The following CNTNAP2 variants were observed in gnomAD, a reference collection of about 807,000 sequenced individuals.
CNTNAP2 encodes the protein contactin associated protein 2.
CNTNAP2 carries 98 observed loss-of-function variants against 155.2 expected under a neutral mutation model. That is an observed-to-expected ratio of 0.63 (90% CI 0.54 to 0.75). CNTNAP2 has a LOEUF of 0.75. Ranked by LOEUF, CNTNAP2 falls within the 30% of genes least tolerant of loss-of-function variation. CNTNAP2 has a pLI of 0.00. For synonymous variants in CNTNAP2, 651 were observed against 631.2 expected, an observed-to-expected ratio of 1.03 and a Z score of -0.47; for missense variants, 1,727 against 1,688.1, an observed-to-expected ratio of 1.02 and a Z score of -0.40.
intron 10 of CNTNAP2, among the ~76,000 whole-genome samples, chr7:147,408,531 C>T (rs190250487): frequency 3.9e-5 from 6 of 152,248 alleles, no homozygotes; most frequent in East Asian, 1.9e-4. Context: ...GAGGCTGACG[C>T]GGGCGGATCA....
At chr7:147,383,251 C>T (rs1040100256) in intron 9 of CNTNAP2, among the ~76,000 whole-genome samples, 1 of 152,094 alleles carries the variant, frequency 6.6e-6, no homozygotes, top group African/African-American at 2.4e-5. Flanking sequence ...TTAATGCATT[C>T]ATTCAAGTGA....
chr7:146,268,630 G>A (rs1419436156), intron 1 of CNTNAP2, among the ~76,000 whole-genome samples: 1 of 152,100 alleles, frequency 6.6e-6, no homozygotes, highest in African/African-American at 2.4e-5. Flanking sequence ...GAGTAGAGTG[G>A]TCTGTTTTTC....
At chr7:147,715,853 A>G (rs1167300442) in intron 13 of CNTNAP2, among the ~76,000 whole-genome samples, 1 of 152,118 alleles carries the variant, frequency 6.6e-6, no homozygotes, top group African/African-American at 2.4e-5. Flanking sequence ...TCTATGGTCC[A>G]TTTTTAGTTG....
At chr7:147,238,107 C>T (rs1007241918) in intron 8 of CNTNAP2, among the ~76,000 whole-genome samples, 11 of 152,140 alleles carry the variant, frequency 7.2e-5, no homozygotes, top group East Asian at 1.9e-4. Flanking sequence ...CTCCGCCTCC[C>T]GGGTTCACGC....
intron 17 of CNTNAP2, among the ~76,000 whole-genome samples, chr7:148,160,887 T>C (rs907697356): frequency 3.3e-5 from 5 of 152,218 alleles, no homozygotes; most frequent in African/African-American, 1.2e-4. Flanking sequence ...TGTTTATTCT[T>C]TTCTTATGAA....
chr7:148,302,179 G>A (rs11766263), intron 21 of CNTNAP2, among the ~76,000 whole-genome samples: 91,164 of 151,994 alleles, frequency 0.6, 28,941 homozygotes, highest in Admixed American at 0.71. Flanking sequence ...TCATCTAGCA[G>A]GCTGAGGAAT....
rs978817274 is a variant in CNTNAP2, at chr7:147,886,504, G to C, written c.2099-17061G>C. Among the ~76,000 whole-genome samples, 385 of 65,742 alleles carry C rather than the reference G, an allele frequency of 5.9e-3. 6 individuals are homozygous for C. The highest frequency in any genetic ancestry group is 0.026 in the African/African-American group (371 of 14,030). 43.1% of individuals were successfully genotyped at this position (65,742 alleles called of 152,430 possible). ...AAAAAAAAAAAAAAAAAAAAAAAAA[G>C]ATTTGGTTGTAATCTCTCTCTCTCT... is the stretch of plus-strand genomic sequence containing the variant. On this transcript the variant is annotated intron_variant, in intron 13 of 23. Coordinates refer to ENST00000361727, the MANE Select transcript of CNTNAP2 (RefSeq NM_014141.6).
chr7:146,374,010 T>G (rs1326551214), intron 1 of CNTNAP2, among the ~76,000 whole-genome samples: 3 of 152,196 alleles, frequency 2.0e-5, no homozygotes, highest in Non-Finnish European at 4.4e-5. Flanking sequence ...AAGGATATAT[T>G]TCATTTAAAC....
At chr7:146,566,162 C>T (rs1279028156) in intron 1 of CNTNAP2, among the ~76,000 whole-genome samples, 1 of 152,194 alleles carries the variant, frequency 6.6e-6, no homozygotes, top group South Asian at 2.1e-4. Flanking sequence ...AGTCCTTGAA[C>T]TAGCAGCTTT....
At chr7:146,972,378 C>A (rs1797819165) in intron 3 of CNTNAP2, among the ~76,000 whole-genome samples, 1 of 151,984 alleles carries the variant, frequency 6.6e-6, no homozygotes, top group South Asian at 2.1e-4. Flanking sequence ...GAAATATTTA[C>A]AAAATGCACA....
At chr7:146,425,987 A>C (rs1796081017) in intron 1 of CNTNAP2, among the ~76,000 whole-genome samples, 1 of 151,864 alleles carries the variant, frequency 6.6e-6, no homozygotes, top group African/African-American at 2.4e-5. Context: ...GGAATTTGAG[A>C]CCAGCCTGCC....
At chr7:148,149,549 G>A (rs762090802) in intron 17 of CNTNAP2, among the ~76,000 whole-genome samples, 9 of 151,958 alleles carry the variant, frequency 5.9e-5, no homozygotes, top group African/African-American at 9.7e-5. Flanking sequence ...AGAAATGTGC[G>A]TGTGTGTGTG....
intron 21 of CNTNAP2, among the ~76,000 whole-genome samples, chr7:148,294,790 A>G (rs1370666219): frequency 1.3e-5 from 2 of 152,188 alleles, no homozygotes; most frequent in African/African-American, 4.8e-5. Context: ...ATTTTATACC[A>G]TTTTAACATA....
At chr7:147,164,512 A>G (rs1325735378) in intron 8 of CNTNAP2, among the ~76,000 whole-genome samples, 1 of 152,242 alleles carries the variant, frequency 6.6e-6, no homozygotes, top group Non-Finnish European at 1.5e-5. Flanking sequence ...AATTGTACAT[A>G]TTTATGGAGT....
chr7:146,303,313 T>C (rs1368196713), intron 1 of CNTNAP2, among the ~76,000 whole-genome samples: 1 of 152,118 alleles, frequency 6.6e-6, no homozygotes, highest in East Asian at 1.9e-4. Context: ...TTTGCCTCAA[T>C]TATAAGCAAT....
chr7:146,298,269 AG>A (rs1800548100), intron 1 of CNTNAP2, among the ~76,000 whole-genome samples: 1 of 152,136 alleles, frequency 6.6e-6, no homozygotes. Flanking sequence ...TTTCTTCACG[AG>A]TCTTCAAAAA....
intron 12 of CNTNAP2, among the ~76,000 whole-genome samples, chr7:147,625,559 AAAATTATTTTAAAATGTCAATTACCAAAG>A (rs1794955245): frequency 2.6e-5 from 4 of 151,410 alleles, no homozygotes; most frequent in African/African-American, 9.7e-5. Flanking sequence ...CAATTACCAA[AAAATTATTTTAAAATGTCAATTACCAAAG>A]AAATTGTTTT....
intron 17 of CNTNAP2, among the ~76,000 whole-genome samples, chr7:148,155,896 G>A (rs1805389723): frequency 6.6e-6 from 1 of 152,126 alleles, no homozygotes; most frequent in Non-Finnish European, 1.5e-5. Context: ...GAAAGGTGCG[G>A]TGACACTGGG....
intron 14 of CNTNAP2, among the ~76,000 whole-genome samples, chr7:147,945,857 T>A (rs1432101305): frequency 8.2e-6 from 1 of 121,712 alleles, no homozygotes. Context: ...CTTTTCTTTT[T>A]TTTTCTTTTT....
Sources: allele counts gnomAD v4.1 joint callset (sites outside exome capture counted in the v4.1 genomes callset), GRCh38; gene constraint gnomAD v4.1.1; transcripts MANE v1.5; gene names NCBI Gene and HGNC (gene_info 2026-07-23, HGNC 2026-07-21).